Variants in PACRG observed in about 807,000 individuals in gnomAD.
PACRG encodes parkin coregulated gene protein.
PACRG carries 29 observed loss-of-function variants against 29.7 expected under a neutral mutation model. That is an observed-to-expected ratio of 0.98 (90% CI 0.73 to 1.33). The LOEUF is 1.33. Among genes scored for constraint, PACRG ranks in the 40% most tolerant of loss-of-function variants. The pLI is 0.00. For synonymous variants in PACRG, 116 were observed against 118.7 expected, an observed-to-expected ratio of 0.98 and a Z score of 0.15; for missense variants, 279 against 316.2, an observed-to-expected ratio of 0.88 and a Z score of 0.89.
intron 4 of PACRG, among the ~76,000 whole-genome samples, chr6:163,252,111 C>T (rs1472562766): frequency 6.6e-6 from 1 of 152,222 alleles, no homozygotes; most frequent in Non-Finnish European, 1.5e-5. Flanking sequence ...AAAACGCTCC[C>T]ACGTGCGTTT....
chr6:162,838,733 C>T (rs1366259306), intron 2 of PACRG, among the ~76,000 whole-genome samples: 1 of 102,382 alleles, frequency 9.8e-6, no homozygotes, highest in Non-Finnish European at 1.9e-5. Flanking sequence ...CCAATGCTAT[C>T]CCTCCCCCCT....
intron 4 of PACRG, among the ~76,000 whole-genome samples, chr6:163,099,036 A>G (rs531154394): frequency 1.8e-4 from 27 of 152,084 alleles, no homozygotes; most frequent in Non-Finnish European, 3.1e-4. Flanking sequence ...CCAACCTCCT[A>G]TTTCATCCTG....
intron 4 of PACRG, among the ~76,000 whole-genome samples, chr6:163,093,273 C>G (rs1814281271): frequency 6.6e-6 from 1 of 152,206 alleles, no homozygotes; most frequent in African/African-American, 2.4e-5. Context: ...TGCCTGCATT[C>G]TAAACAGTGA....
chr6:163,037,620 C>T (rs1443092740), intron 2 of PACRG, among the ~76,000 whole-genome samples: 2 of 152,210 alleles, frequency 1.3e-5, no homozygotes, highest in Non-Finnish European at 2.9e-5. Context: ...TTCTTCGGCC[C>T]ATGCCCTGAG....
chr6:163,238,462 A>G (rs1782334344), intron 4 of PACRG, among the ~76,000 whole-genome samples: 2 of 152,366 alleles, frequency 1.3e-5, no homozygotes, highest in South Asian at 4.1e-4. Flanking sequence ...GAATTTGAAT[A>G]GAAGGGCAGA....
At chr6:163,297,415 G>A (rs1470142010) in intron 4 of PACRG, among the ~76,000 whole-genome samples, 2 of 152,140 alleles carry the variant, frequency 1.3e-5, no homozygotes, top group Non-Finnish European at 2.9e-5. Context: ...ACTGCTACTG[G>A]TCTTTTAACC....
intron 2 of PACRG, among the ~76,000 whole-genome samples, chr6:162,975,703 C>A (rs1396960811): frequency 6.6e-6 from 1 of 152,094 alleles, no homozygotes; most frequent in Non-Finnish European, 1.5e-5. Flanking sequence ...TACCTCAACA[C>A]TTTAAATTGA....
chr6:162,927,313 A>G (rs62427527), intron 2 of PACRG, among the ~76,000 whole-genome samples: 1,820 of 152,198 alleles, frequency 0.012, 46 homozygotes, highest in Admixed American at 0.06. Context: ...TATATACCCA[A>G]AGGAATATAA....
At chr6:163,018,067 G>C (rs1200918281) in intron 2 of PACRG, among the ~76,000 whole-genome samples, 1 of 152,038 alleles carries the variant, frequency 6.6e-6, no homozygotes, top group Non-Finnish European at 1.5e-5. Flanking sequence ...CTTTCTCTTA[G>C]AAAAATGTTA....
intron 4 of PACRG, among the ~76,000 whole-genome samples, chr6:163,276,809 C>G (rs992406381): frequency 6.6e-6 from 1 of 152,174 alleles, no homozygotes; most frequent in African/African-American, 2.4e-5. Context: ...CAGACAATGA[C>G]TCTGCTGGTG....
chr6:163,243,214 A>G (rs2128169125), intron 4 of PACRG, among the ~76,000 whole-genome samples: 1 of 152,306 alleles, frequency 6.6e-6, no homozygotes, highest in South Asian at 2.1e-4. Flanking sequence ...TATTAAACAA[A>G]TGTCCCGAAC....
At chr6:163,270,196 G>A (rs1182379875) in intron 4 of PACRG, among the ~76,000 whole-genome samples, 9 of 152,154 alleles carry the variant, frequency 5.9e-5, no homozygotes, top group South Asian at 2.1e-4. Context: ...TTTATAAAGC[G>A]AGCATTTCAA....
At chr6:163,100,995 A>T (rs1279904755) in intron 4 of PACRG, 1 of 984,018 alleles carries the variant, frequency 1.0e-6, no homozygotes, top group Non-Finnish European at 1.2e-6. Flanking sequence ...CTCGAAGATC[A>T]ATTTACTTTT....
At chr6:163,096,790 C>G (rs1585204779) in intron 4 of PACRG, among the ~76,000 whole-genome samples, 1 of 151,350 alleles carries the variant, frequency 6.6e-6, no homozygotes, top group African/African-American at 2.4e-5. Flanking sequence ...GAACCAAATA[C>G]ATGTGGCTTT....
intron 1 of PACRG, among the ~76,000 whole-genome samples, chr6:162,736,250 G>A (rs926630476): frequency 2.6e-5 from 4 of 152,130 alleles, no homozygotes; most frequent in Non-Finnish European, 5.9e-5. Context: ...TTCAGTGAGA[G>A]CTAAGTACAC....
At chr6:162,951,781 C>T (rs1032558503) in intron 2 of PACRG, among the ~76,000 whole-genome samples, 1 of 152,136 alleles carries the variant, frequency 6.6e-6, no homozygotes, top group Non-Finnish European at 1.5e-5. Flanking sequence ...TTCAGTATTT[C>T]TTTCAGCTGA....
intron 4 of PACRG, among the ~76,000 whole-genome samples, chr6:163,269,121 T>G (rs1783642734): frequency 1.3e-5 from 2 of 152,212 alleles, no homozygotes. Flanking sequence ...CTGCAAGACC[T>G]CTGTGAAAGA....
chr6:163,119,113 G>A (rs1043132675), intron 4 of PACRG, among the ~76,000 whole-genome samples: 9 of 152,184 alleles, frequency 5.9e-5, no homozygotes, highest in African/African-American at 2.2e-4. Context: ...GCTGCATGCA[G>A]ATCCCAGGGC....
intron 4 of PACRG, among the ~76,000 whole-genome samples, chr6:163,233,644 A>G (rs12194164): frequency 0.25 from 38,344 of 152,186 alleles, 5,493 homozygotes; most frequent in East Asian, 0.37. Context: ...AGCTGTCCAC[A>G]TGAGAAATGG....
Sources: allele counts gnomAD v4.1 joint callset (sites outside exome capture counted in the v4.1 genomes callset), GRCh38; gene constraint gnomAD v4.1.1; transcripts MANE v1.5; gene names NCBI Gene and HGNC (gene_info 2026-07-23, HGNC 2026-07-21).